MIB1: variants seen among roughly 807,000 people sequenced by gnomAD.
The protein encoded by MIB1 is MIB E3 ubiquitin protein ligase 1.
In MIB1, 278 loss-of-function variants were observed where a neutral mutation model predicts 124.5. The ratio of observed to expected loss-of-function variants is 2.23; its 90% CI spans 2.02 to 2.47. The LOEUF (loss-of-function observed/expected upper bound fraction) is 2.47. MIB1 is among the 30% of genes most tolerant of loss of function. The pLI is 0.00. For synonymous variants in MIB1, 446 were observed against 429.4 expected (o/e 1.04, Z -0.48); for missense variants, 957 against 1,254.4 (o/e 0.76, Z 3.58).
At chr18:21,816,110 CT>C (rs1347805166) in intron 11 of MIB1, among the ~76,000 whole-genome samples, 1 of 152,054 alleles carries the variant, frequency 6.6e-6, no homozygotes, top group Non-Finnish European at 1.5e-5. Context: ...AGCTCAACAG[CT>C]TAAAGAAGTG....
chr18:21,730,622 A>C (rs907420613), intron 1 of MIB1, among the ~76,000 whole-genome samples: 1 of 152,088 alleles, frequency 6.6e-6, no homozygotes, highest in African/African-American at 2.4e-5. Context: ...GAATGGCTCT[A>C]CCCTTTCACT....
intron 8 of MIB1, 56 bp downstream of exon 8, chr18:21,798,284 C>T: frequency 1.3e-6 from 2 of 1,545,546 alleles, no homozygotes; most frequent in Admixed American, 1.7e-5. Context: ...AAAACCTTTG[C>T]TAATTCCCCA....
At chr18:21,733,536 G>A (rs1020924264) in intron 1 of MIB1, among the ~76,000 whole-genome samples, 4 of 152,028 alleles carry the variant, frequency 2.6e-5, no homozygotes, top group African/African-American at 7.3e-5. Flanking sequence ...AGCCTCCTGA[G>A]GGAATAAAGG....
At chr18:21,744,807 G>A (rs1033079608) in intron 1 of MIB1, among the ~76,000 whole-genome samples, 1 of 152,140 alleles carries the variant, frequency 6.6e-6, no homozygotes, top group Non-Finnish European at 1.5e-5. Flanking sequence ...GCGTTAACTC[G>A]GCTAGGTCAC....
chr18:21,779,436 G>A, intron 5 of MIB1, 45 bp from the exon 6 acceptor site: 3 of 1,479,318 alleles, frequency 2.0e-6, no homozygotes, highest in Non-Finnish European at 2.8e-6. Context: ...GCCTGTTGTT[G>A]TGAGGTTTTT....
At chr18:21,736,377 C>T (rs28770276), upstream of MIB1, among the ~76,000 whole-genome samples, 2,452 of 152,228 alleles carry the variant, frequency 0.016, 61 homozygotes, top group African/African-American at 0.052. Context: ...ACATCAAAGA[C>T]GAAAGGTAGA....
At chr18:21,846,847 C>A (rs1321665437) in intron 15 of MIB1, 97 bp from the exon 16 acceptor site, 4 of 1,170,492 alleles carry the variant, frequency 3.4e-6, no homozygotes, top group Admixed American at 2.0e-5. Context: ...AGGACTAGAA[C>A]TCATAAGTGT....
At chr18:21,838,313 T>C in intron 12 of MIB1, 52 bp from the exon 13 acceptor site, 1 of 1,342,968 alleles carries the variant, frequency 7.4e-7, no homozygotes. Context: ...AACTTTTCTT[T>C]TGAGTATATC....
chr18:21,825,938 C>T (rs1197660364), intron 12 of MIB1: 3 of 332,154 alleles, frequency 9.0e-6, no homozygotes, highest in Non-Finnish European at 1.8e-5. Flanking sequence ...CTACTGTTTT[C>T]CTGCGCTTAA....
intron 1 of MIB1, among the ~76,000 whole-genome samples, chr18:21,716,965 G>GA (rs2040692512): frequency 1.3e-5 from 2 of 152,030 alleles, no homozygotes; most frequent in East Asian, 3.9e-4. Flanking sequence ...TAAGCAAAAA[G>GA]AAAAAATCTG....
At chr18:21,725,094 C>CAAAAA (rs1218383555) in intron 1 of MIB1, among the ~76,000 whole-genome samples, 1 of 44,182 alleles carries the variant, frequency 2.3e-5, no homozygotes, top group Non-Finnish European at 4.7e-5. Context: ...GACTCTGTCT[C>CAAAAA]AAAAAAAAAA....
intron 4 of MIB1, among the ~76,000 whole-genome samples, chr18:21,774,772 G>A (rs2041261717): frequency 6.6e-6 from 1 of 151,464 alleles, no homozygotes; most frequent in Non-Finnish European, 1.5e-5. Context: ...GTATCCCAGT[G>A]TCCCCTTAAT....
At chr18:21,775,551 C>T (rs1173199117) in intron 4 of MIB1, among the ~76,000 whole-genome samples, 1 of 152,136 alleles carries the variant, frequency 6.6e-6, no homozygotes, top group Admixed American at 6.5e-5. Context: ...CAATTCATGC[C>T]ACTTATATAT....
In MIB1 at chr18:21,724,728, ATATATATATATATATATATATATATATAT is replaced by A. The variant is rs1311936910; in HGVS notation, n.167+19606_167+19634del. 8.0e-4 allele frequency among the ~76,000 whole-genome samples: 15 copies of A among 18,836 alleles called. 1 individual carries two copies. Among genetic ancestry groups the A allele is most frequent in the African/African-American group, 3.2e-3 (15 of 4,670 alleles). 12.4% of individuals were successfully genotyped at this position (18,836 alleles called of 152,430 possible). On this transcript the variant is annotated intron_variant and non_coding_transcript_variant, in intron 1 of 20. Transcript: ENST00000578646. Reference sequence around the variant, plus strand: ...TCCCCCATCCAAAAAAAAAAAAAAAATATATATATATATATATATATATATATATATATATATATATATATTAGTCTATA... The same window carrying A: ...TCCCCCATCCAAAAAAAAAAAAAAAAATATATATATATATATTAGTCTATA...
intron 1 of MIB1, among the ~76,000 whole-genome samples, chr18:21,723,377 T>C (rs968801375): frequency 6.6e-6 from 1 of 152,180 alleles, no homozygotes; most frequent in African/African-American, 2.4e-5. Flanking sequence ...CTTATTCTTA[T>C]TGCAGAATGA....
At chr18:21,715,699 C>T (rs911415015) in intron 1 of MIB1, among the ~76,000 whole-genome samples, 2 of 151,762 alleles carry the variant, frequency 1.3e-5, no homozygotes, top group East Asian at 1.9e-4. Context: ...AATGGATGCA[C>T]TTATAGAATG....
At chr18:21,705,045 C>T (rs577503223) in exon 1 of MIB1, 2 of 168,780 alleles carry the variant, frequency 1.2e-5, no homozygotes, top group South Asian at 2.0e-4. Context: ...TGGTTAAGGC[C>T]CCGCACCTGC....
intron 1 of MIB1, among the ~76,000 whole-genome samples, chr18:21,726,391 G>GA (rs199791656): frequency 3.9e-4 from 59 of 150,442 alleles, no homozygotes; most frequent in Middle Eastern, 3.4e-3. Flanking sequence ...CATCTCTATT[G>GA]AAAAAAAAAT....
chr18:21,859,870 C>T (rs1421413181), intron 20 of MIB1, among the ~76,000 whole-genome samples: 3 of 102,926 alleles, frequency 2.9e-5, no homozygotes, highest in Non-Finnish European at 5.2e-5. Context: ...GCCTGGGCGA[C>T]AGAGTGAGAC....
Sources: gnomAD v4.1 joint callset for allele counts (sites outside exome capture counted in the v4.1 genomes callset) on GRCh38, gnomAD v4.1.1 for gene constraint, MANE v1.5 for transcripts, NCBI Gene and HGNC (gene_info 2026-07-23, HGNC 2026-07-21) for gene names.